The following EBF4 variants were observed in gnomAD, a reference collection of about 807,000 sequenced individuals.
EBF4 encodes the protein EBF transcription factor 4, also known as transcription factor COE4.
EBF4 carries 34 observed loss-of-function variants against 67.1 expected under a neutral mutation model. The observed-to-expected ratio is 0.51, with a 90% confidence interval of 0.39 to 0.67. The LOEUF (loss-of-function observed/expected upper bound fraction) is 0.67, where lower values mean the gene tolerates loss of function less well. EBF4 is among the 30% of genes least tolerant of loss of function. The pLI, the probability that EBF4 is intolerant of heterozygous loss-of-function variation, is 0.00. For missense variants in EBF4, 837 were observed against 873.3 expected (o/e 0.96, Z 0.52); for synonymous variants, 387 against 377.7 (o/e 1.02, Z -0.29).
intron 6 of EBF4, among the ~76,000 whole-genome samples, chr20:2,737,859 G>A (rs1226461890): frequency 2.0e-5 from 3 of 151,586 alleles, no homozygotes; most frequent in Non-Finnish European, 2.9e-5. Context: ...CAGCTACTCA[G>A]GAGGCTGAGG....
chr20:2,720,686 T>C (rs901094481), intron 6 of EBF4, among the ~76,000 whole-genome samples: 1 of 152,218 alleles, frequency 6.6e-6, no homozygotes, highest in African/African-American at 2.4e-5. Context: ...CAATTGCTTT[T>C]AATGAGATTT....
At chr20:2,734,143 C>T in intron 6 of EBF4, among the ~76,000 whole-genome samples, 1 of 152,110 alleles carries the variant, frequency 6.6e-6, no homozygotes, top group East Asian at 1.9e-4. Context: ...TGCAGTGGCT[C>T]ACTCCTATAA....
Position 2,751,662 on chromosome 20 carries a change from C to T in EBF4, c.1019-38C>T. On this transcript the variant is annotated intron_variant, in intron 10 of 16. Coordinates refer to ENST00000609451, the Ensembl canonical transcript of EBF4. This position sits in a 1 kb window ranked among gnomAD's most constrained non-coding sequence, Gnocchi z 5.2. ...GTCTCACCCTGGGAGTGGGGGGCTG[C>T]GGGGGAGACGTCCTCCAAACGCCGC... The T allele has an allele frequency of 6.5e-7, 1 of 1,543,434 alleles. No individual in the cohort carries two copies. Among genetic ancestry groups the T allele is most frequent in the Non-Finnish European group, 8.8e-7 (1 of 1,140,834 alleles).
In EBF4 at chr20:2,752,243, C is replaced by T. The variant is rs1460760130; in HGVS notation, c.1331C>T (p.Ala444Val). Residue 444 changes from alanine (A) to valine (V), a missense_variant, in exon 13 of 17, where the codon GCC becomes GTC. Around this residue, in one of 3 missense-constraint regions of EBF4, gnomAD observed 525 missense variants for 496.5 expected, o/e 1.06. Transcript: ENST00000609451. Reference sequence around the variant, plus strand: ...CCGCTGGCCATCGCCGTCGGGGACGCCACCCCGGGGCCCGAGCCGGGTGCG... The same window carrying T: ...CCGCTGGCCATCGCCGTCGGGGACGTCACCCCGGGGCCCGAGCCGGGTGCG... The T allele has an allele frequency of 7.6e-6, 10 of 1,309,638 alleles. No individual in the cohort carries two copies. In the South Asian group the frequency reaches 8.8e-5, roughly 11 times the overall value. The allele number at this position is 1,309,638 out of a possible 1,614,324, so 81.1% of individuals were successfully genotyped here. A position where few individuals can be genotyped will look rare whatever the true frequency, so the allele number is the denominator to read the frequency against.
chr20:2,697,723 G>A (rs931789755), intron 1 of EBF4, among the ~76,000 whole-genome samples: 3 of 152,160 alleles, frequency 2.0e-5, no homozygotes, highest in South Asian at 2.1e-4. Flanking sequence ...CCAACAGGAC[G>A]TTATCTCTGA....
intron 6 of EBF4, among the ~76,000 whole-genome samples, chr20:2,735,315 C>G (rs903932589): frequency 6.6e-6 from 1 of 152,184 alleles, no homozygotes; most frequent in Admixed American, 6.5e-5. Flanking sequence ...TGCTAGTTTT[C>G]ACAACTACAA....
chr20:2,697,872 C>T (rs2087318911), intron 1 of EBF4, among the ~76,000 whole-genome samples: 1 of 152,224 alleles, frequency 6.6e-6, no homozygotes, highest in African/African-American at 2.4e-5. Flanking sequence ...CTGGAAGGCC[C>T]AGGCCAGACC....
chr20:2,705,124 G>T (rs1392941693), intron 1 of EBF4, among the ~76,000 whole-genome samples: 1 of 152,236 alleles, frequency 6.6e-6, no homozygotes, highest in Non-Finnish European at 1.5e-5. Context: ...AACACCACAG[G>T]CTCATGACAG....
At chr20:2,750,795 G>A (rs1392623296) in intron 10 of EBF4, among the ~76,000 whole-genome samples, 1 of 152,220 alleles carries the variant, frequency 6.6e-6, no homozygotes, top group Non-Finnish European at 1.5e-5. Flanking sequence ...GGGAGTGCCT[G>A]CTGAGCCCGG....
At chr20:2,734,722 T>C (rs1456538756) in intron 6 of EBF4, among the ~76,000 whole-genome samples, 1 of 152,262 alleles carries the variant, frequency 6.6e-6, no homozygotes, top group Non-Finnish European at 1.5e-5. Context: ...GGCTTAGTTA[T>C]CAGGCCATGA....
chr20:2,749,915 C>T, exon 10 of EBF4: 8 of 1,551,646 alleles, frequency 5.2e-6, no homozygotes, highest in Non-Finnish European at 7.0e-6. Context: ...TGGAGGTGAC[C>T]CTCTCCTACA....
At chr20:2,705,952 T>G in intron 2 of EBF4, 22 bp from the exon 3 acceptor site, 1 of 1,549,894 alleles carries the variant, frequency 6.5e-7, no homozygotes, top group Non-Finnish European at 8.7e-7. Flanking sequence ...CACCCGAGCA[T>G]CCTCCCATCT....
intron 6 of EBF4, among the ~76,000 whole-genome samples, chr20:2,711,166 T>C (rs1055062386): frequency 8.7e-5 from 13 of 150,148 alleles, no homozygotes; most frequent in Non-Finnish European, 1.6e-4. Flanking sequence ...ATAATAATAA[T>C]AATAATAATA....
At chr20:2,734,563 A>G (rs1851626612) in intron 6 of EBF4, among the ~76,000 whole-genome samples, 2 of 152,182 alleles carry the variant, frequency 1.3e-5, no homozygotes, top group South Asian at 2.1e-4. Context: ...GGACATTTTA[A>G]TCATATAATG....
chr20:2,705,784 ACCACAC>A (rs1349876497), intron 2 of EBF4, 51 bp downstream of exon 2: 3 of 898,158 alleles, frequency 3.3e-6, no homozygotes, highest in Non-Finnish European at 1.6e-6. Context: ...GGAACCCCCA[ACCACAC>A]ACACACACAC....
chr20:2,710,983 A>C (rs1336368328), intron 6 of EBF4, among the ~76,000 whole-genome samples: 1 of 151,982 alleles, frequency 6.6e-6, no homozygotes, highest in Non-Finnish European at 1.5e-5. Context: ...CTCAACAAAA[A>C]ATACACACAC....
chr20:2,751,812 C>A lies in EBF4; in HGVS notation c.1107+24C>A. On this transcript the variant is annotated intron_variant, in intron 11 of 16. Transcript: ENST00000609451. This position sits in a 1 kb window ranked among gnomAD's most constrained non-coding sequence, Gnocchi z 5.2. ...AGGTACTCAGAGGGGCGGGGCGGGG[C>A]GGGGCTGAGGGTGTCCTGTGGGCAA... 2.0e-6 allele frequency: 1 copy of A among 492,932 alleles called. No individual in the cohort carries two copies. Among genetic ancestry groups the A allele is most frequent in the Non-Finnish European group, 4.0e-6 (1 of 249,042 alleles). The allele number at this position is 492,932 out of a possible 1,614,324, so 30.5% of individuals were successfully genotyped here.
chr20:2,699,283 G>A (rs2087341076), intron 1 of EBF4, among the ~76,000 whole-genome samples: 1 of 152,184 alleles, frequency 6.6e-6, no homozygotes, highest in South Asian at 2.1e-4. Flanking sequence ...GGTTGCCCTT[G>A]GTGTTGACTT....
chr20:2,698,143 G>A (rs1264446399), intron 1 of EBF4, among the ~76,000 whole-genome samples: 1 of 152,198 alleles, frequency 6.6e-6, no homozygotes. Context: ...GAGCAGGCCT[G>A]TGAGATTCTT....
Sources: gnomAD v4.1 joint callset for allele counts (sites outside exome capture counted in the v4.1 genomes callset) on GRCh38, gnomAD v4.1.1 for gene constraint, gnomAD v4.1.1 regional missense constraint, Gnocchi (gnomAD v3.1) non-coding constraint, MANE v1.5 for transcripts, NCBI Gene and HGNC (gene_info 2026-07-23, HGNC 2026-07-21) for gene names.